CCDC7: variants seen among roughly 807,000 people sequenced by gnomAD.
The protein encoded by CCDC7 is coiled-coil domain containing 7, also known as coiled-coil domain-containing protein 7.
In CCDC7, 183 loss-of-function variants were observed where a neutral mutation model predicts 196.9. The ratio of observed to expected loss-of-function variants is 0.93; its 90% CI spans 0.82 to 1.05. CCDC7 has a LOEUF of 1.05. Ranked by LOEUF, CCDC7 falls within the 50% of genes least tolerant of loss-of-function variation. The pLI is 0.00. For synonymous variants in CCDC7, 525 were observed against 484.6 expected, an observed-to-expected ratio of 1.08 and a Z score of -1.10; for missense variants, 1,540 against 1,482.2, an observed-to-expected ratio of 1.04 and a Z score of -0.64.
At chr10:32,750,258 G>A (rs1227350970) in intron 28 of CCDC7, among the ~76,000 whole-genome samples, 1 of 152,054 alleles carries the variant, frequency 6.6e-6, no homozygotes, top group Non-Finnish European at 1.5e-5. Context: ...TATCCAGTCT[G>A]CTAGTTATGG....
At position 32,560,450 on chromosome 10, in the gene CCDC7, C is replaced by A. The variant is rs572082408; in HGVS notation, c.1135-5108C>A. On this transcript the variant is annotated intron_variant, in intron 13 of 41. Transcript: ENST00000639629. ...AGGTCGGGTTACCCACAAAGGGAAG[C>A]CCATCAGACTAATAGCGGATCTCTC... is the stretch of plus-strand genomic sequence containing the variant. Among the ~76,000 whole-genome samples, 1,206 of 152,300 alleles carry A rather than the reference C, an allele frequency of 7.9e-3. 7 individuals are homozygous for A. Among genetic ancestry groups the A allele is most frequent in the Middle Eastern group, 0.02 (6 of 294 alleles).
At chr10:32,760,165 A>G (rs987594539) in intron 28 of CCDC7, among the ~76,000 whole-genome samples, 1 of 151,614 alleles carries the variant, frequency 6.6e-6, no homozygotes, top group South Asian at 2.1e-4. Flanking sequence ...AACTAGTTCA[A>G]CCATTGTGGA....
intron 18 of CCDC7, among the ~76,000 whole-genome samples, chr10:32,608,243 T>TA (rs756630432): frequency 6.6e-6 from 1 of 152,138 alleles, no homozygotes; most frequent in Non-Finnish European, 1.5e-5. Context: ...TGATTAGCTT[T>TA]AAAAAATCCA....
intron 24 of CCDC7, among the ~76,000 whole-genome samples, chr10:32,702,338 C>G (rs149885914): frequency 0.037 from 5,577 of 151,938 alleles, 305 homozygotes; most frequent in African/African-American, 0.12. Flanking sequence ...TTTTGAGTGA[C>G]TTTCTTAATC....
intron 18 of CCDC7, among the ~76,000 whole-genome samples, chr10:32,585,283 C>G (rs1218278062): frequency 1.3e-5 from 2 of 152,180 alleles, no homozygotes; most frequent in African/African-American, 4.8e-5. Flanking sequence ...CCGTGTTAGA[C>G]AGGATGGTCT....
intron 12 of CCDC7, among the ~76,000 whole-genome samples, chr10:32,543,932 A>G (rs529794615): frequency 2.0e-5 from 3 of 152,200 alleles, no homozygotes; most frequent in South Asian, 4.1e-4. Flanking sequence ...ATAGAATTCC[A>G]CAAATCCTGA....
intron 41 of CCDC7, among the ~76,000 whole-genome samples, chr10:32,871,401 G>C (rs2136816821): frequency 6.6e-6 from 1 of 152,148 alleles, no homozygotes; most frequent in African/African-American, 2.4e-5. Flanking sequence ...GGTGTTTATA[G>C]TATTCTCTGA....
chr10:32,825,411 A>G (rs1383295842), intron 32 of CCDC7, among the ~76,000 whole-genome samples: 1 of 152,196 alleles, frequency 6.6e-6, no homozygotes, highest in African/African-American at 2.4e-5. Context: ...GCAGACAGAA[A>G]AACGTGAAAA....
At chr10:32,879,441 T>C (rs2094710202), downstream of CCDC7, among the ~76,000 whole-genome samples, 1 of 152,122 alleles carries the variant, frequency 6.6e-6, no homozygotes, top group Non-Finnish European at 1.5e-5. Context: ...ATGTGCATGT[T>C]CTTAGACCTA....
chr10:32,560,271 T>C (rs1328999647), intron 13 of CCDC7, among the ~76,000 whole-genome samples: 1 of 152,078 alleles, frequency 6.6e-6, no homozygotes, highest in African/African-American at 2.4e-5. Context: ...CAGGAGAACT[T>C]CCCCAATCTA....
intron 41 of CCDC7, among the ~76,000 whole-genome samples, chr10:32,873,433 C>T (rs1191962864): frequency 6.6e-6 from 1 of 151,908 alleles, no homozygotes; most frequent in Non-Finnish European, 1.5e-5. Context: ...GTTAGCCATT[C>T]ATCTAATTTT....
chr10:32,572,060 G>T (rs568405955), intron 16 of CCDC7, among the ~76,000 whole-genome samples, 167 bp downstream of exon 17: 66 of 152,108 alleles, frequency 4.3e-4, no homozygotes, highest in African/African-American at 1.5e-3. Context: ...AAGAGTTGAT[G>T]CAGTCAAAAT....
intron 16 of CCDC7, among the ~76,000 whole-genome samples, chr10:32,582,718 G>T (rs1027111928): frequency 8.5e-5 from 13 of 152,088 alleles, no homozygotes; most frequent in Admixed American, 4.6e-4. Flanking sequence ...TGACTAAAGG[G>T]TAAATCTCCA....
upstream of CCDC7, among the ~76,000 whole-genome samples, chr10:32,447,446 C>T (rs535604034): frequency 5.3e-5 from 8 of 152,178 alleles, no homozygotes; most frequent in South Asian, 1.5e-3. Context: ...TTGATGTTTG[C>T]TTGGACCTGA....
intron 24 of CCDC7, among the ~76,000 whole-genome samples, chr10:32,700,295 C>A (rs373020809): frequency 1.3e-5 from 2 of 149,376 alleles, no homozygotes; most frequent in Non-Finnish European, 2.9e-5. Context: ...TTCCTAGCAC[C>A]ATTTATTAAC....
intron 32 of CCDC7, among the ~76,000 whole-genome samples, chr10:32,828,561 A>AAGAAT (rs1565636149): frequency 4.9e-5 from 7 of 142,652 alleles, no homozygotes; most frequent in Admixed American, 2.1e-4. Flanking sequence ...AGAAGAAGAA[A>AAGAAT]GAAGAAGAAG....
chr10:32,676,489 C>G (rs1301207233), intron 21 of CCDC7, among the ~76,000 whole-genome samples: 1 of 151,666 alleles, frequency 6.6e-6, no homozygotes, highest in African/African-American at 2.4e-5. Flanking sequence ...GGGCTAATAT[C>G]CAGAATCTAC....
At chr10:32,571,749 T>TA (rs2057589039) in intron 15 of CCDC7, 110 bp from the exon 17 acceptor site, 2 of 1,023,208 alleles carry the variant, frequency 2.0e-6, no homozygotes, top group Non-Finnish European at 1.3e-6. Flanking sequence ...ACCTTAATCT[T>TA]ACGAAATTGT....
chr10:32,537,684 G>A lies in CCDC7; in HGVS notation c.994-5616G>A, dbSNP rs372741526. 4.8e-4 allele frequency among the ~76,000 whole-genome samples: 73 copies of A among 152,232 alleles called. 1 individual carries two copies. Among genetic ancestry groups the A allele is most frequent in the East Asian group, 2.1e-3 (11 of 5,186 alleles). ...TGATTTTTGAATGTGGTGTAAGGTA[G>A]GGGTACAGTTTCAGTCTTCTGCATA... On this transcript the variant is annotated intron_variant, in intron 11 of 41. Coordinates refer to ENST00000639629, the Ensembl canonical transcript of CCDC7.
Sources: gnomAD v4.1 joint callset for allele counts (sites outside exome capture counted in the v4.1 genomes callset) on GRCh38, gnomAD v4.1.1 for gene constraint, MANE v1.5 for transcripts, NCBI Gene and HGNC (gene_info 2026-07-23, HGNC 2026-07-21) for gene names.